The following NVL variants were observed in gnomAD, a reference collection of about 807,000 sequenced individuals.
NVL encodes the protein nuclear VCP like, also known as nuclear valosin-containing protein-like.
NVL carries 84 observed loss-of-function variants against 110.2 expected under a neutral mutation model. The ratio of observed to expected loss-of-function variants is 0.76; its 90% confidence interval spans 0.64 to 0.91. The LOEUF is 0.91. NVL is among the 40% of genes least tolerant of loss of function. The pLI is 0.00. For missense variants in NVL, 882 were observed against 1,035.9 expected, an observed-to-expected ratio of 0.85 and a Z score of 2.04; for synonymous variants, 354 against 361.1, an observed-to-expected ratio of 0.98 and a Z score of 0.22.
chr1:224,234,320 T>C lies in NVL; in HGVS notation c.2367-1031A>G, dbSNP rs555196832. Among the ~76,000 whole-genome samples the C allele has an allele frequency of 2.6e-5, 4 of 152,242 alleles. No individual in the cohort carries two copies. The South Asian group carries it at 6.2e-4, about 24-fold the overall frequency. ...AGATTATATGAGAAAGAGTTTGAGT[T>C]TGGGGATAAAAACATCACTTCTATG... On this transcript the variant is annotated intron_variant, in intron 20 of 22. Transcript: ENST00000281701.
chr1:224,273,125 G>A (rs1010103847), intron 17 of NVL, among the ~76,000 whole-genome samples: 2 of 151,250 alleles, frequency 1.3e-5, no homozygotes, highest in African/African-American at 4.9e-5. Flanking sequence ...GAAATGTATG[G>A]CAGTAGGCTG....
intron 18 of NVL, among the ~76,000 whole-genome samples, chr1:224,253,970 C>A (rs992370438): frequency 6.6e-6 from 1 of 152,090 alleles, no homozygotes; most frequent in Non-Finnish European, 1.5e-5. Flanking sequence ...CATGAGTTTG[C>A]CATTTGTACA....
In NVL at chr1:224,286,133, G is replaced by A; in HGVS notation, c.1795-3C>T. On this transcript the variant is annotated splice_polypyrimidine_tract_variant and splice_region_variant and intron_variant, in intron 14 of 22. Coordinates refer to ENST00000281701, the MANE Select transcript of NVL (RefSeq NM_002533.4). The stretch of plus-strand genomic sequence containing the variant: ...TGGTCTGGGTTGCGTACTGGTGCCT[G>A]GAAATAATGATACAAACGGCGATCC... 1.2e-6 allele frequency: 2 copies of A among 1,609,744 alleles called. No homozygotes were observed. The highest frequency in any genetic ancestry group is 1.7e-6 in the Non-Finnish European group (2 of 1,176,382).
At chr1:224,239,914 T>A (rs1202562641) in intron 19 of NVL, among the ~76,000 whole-genome samples, 1 of 152,160 alleles carries the variant, frequency 6.6e-6, no homozygotes, top group African/African-American at 2.4e-5. Flanking sequence ...GGAGGAATTT[T>A]TCTTTTTTCT....
intron 22 of NVL, among the ~76,000 whole-genome samples, chr1:224,230,814 A>T (rs183650160): frequency 6.6e-6 from 1 of 152,166 alleles, no homozygotes; most frequent in East Asian, 1.9e-4. Flanking sequence ...TAGGAAGTAG[A>T]AGTAGTATAC....
intron 18 of NVL, among the ~76,000 whole-genome samples, chr1:224,253,491 T>G (rs1662755481): frequency 6.6e-6 from 1 of 151,170 alleles, no homozygotes. Flanking sequence ...TCCCAGCACT[T>G]TGGGAGGCTG....
intron 10 of NVL, among the ~76,000 whole-genome samples, chr1:224,297,969 G>C (rs1380663878): frequency 6.7e-6 from 1 of 150,202 alleles, no homozygotes; most frequent in Non-Finnish European, 1.5e-5. Flanking sequence ...AATTATTTGA[G>C]CCTGGAAGGC....
intron 3 of NVL, 39 bp from the exon 4 acceptor site, chr1:224,317,832 G>A (rs1670242992): frequency 3.1e-5 from 48 of 1,551,876 alleles, no homozygotes; most frequent in Middle Eastern, 1.7e-4. Flanking sequence ...TAAAACAATC[G>A]TTTGTATAAC....
chr1:224,280,386 A>G (rs1301312655), intron 16 of NVL, among the ~76,000 whole-genome samples: 3 of 152,118 alleles, frequency 2.0e-5, no homozygotes, highest in Non-Finnish European at 4.4e-5. Flanking sequence ...AGGCCCTTCA[A>G]TGTCTGGCTA....
chr1:224,328,364 A>G (rs1202457052), intron 1 of NVL, among the ~76,000 whole-genome samples: 1 of 152,062 alleles, frequency 6.6e-6, no homozygotes. Flanking sequence ...TACTAAAAAT[A>G]CAAAAAGTAG....
At chr1:224,280,874 G>T (rs1224848657) in intron 16 of NVL, among the ~76,000 whole-genome samples, 1 of 152,160 alleles carries the variant, frequency 6.6e-6, no homozygotes, top group East Asian at 1.9e-4. Context: ...AACTCAGATT[G>T]AAATCTTTGC....
At chr1:224,329,957 C>A in intron 1 of NVL, 114 bp downstream of exon 1, 1 of 1,037,220 alleles carries the variant, frequency 9.6e-7, no homozygotes, top group East Asian at 2.5e-5. Context: ...CAGACCCAGA[C>A]TGGGGAAAGA....
intron 8 of NVL, 28 bp downstream of exon 8, chr1:224,304,708 T>A: frequency 6.5e-7 from 1 of 1,550,082 alleles, no homozygotes; most frequent in Non-Finnish European, 8.9e-7. Flanking sequence ...TATATCCATT[T>A]GAGGTAAAAT....
intron 8 of NVL, among the ~76,000 whole-genome samples, chr1:224,304,524 A>T (rs938312572): frequency 2.6e-5 from 4 of 152,106 alleles, no homozygotes; most frequent in Admixed American, 2.0e-4. Context: ...TGGATCTTAT[A>T]TATACTATAA....
rs750257346 is a variant in NVL, at chr1:224,288,011, AG to A, written c.1576-19del. On this transcript the variant is annotated intron_variant, in intron 13 of 22. Transcript: ENST00000281701. ...AATTCATCCTTGAAGGGAACAATAG[AG>A]GGGAAAAAAATAAAGAAACACCACA... 3.2e-6 allele frequency: 5 copies of A among 1,582,020 alleles called. No homozygotes were observed. The highest frequency in any genetic ancestry group is 4.3e-6 in the Non-Finnish European group (5 of 1,155,242).
chr1:224,296,130 C>CATCA (rs879513177), intron 11 of NVL, among the ~76,000 whole-genome samples: 5 of 152,024 alleles, frequency 3.3e-5, no homozygotes, highest in East Asian at 1.9e-4. Context: ...CACTCTATCT[C>CATCA]ATCAATCAAT....
chr1:224,271,936 C>T (rs1023187232), intron 17 of NVL, among the ~76,000 whole-genome samples: 1 of 151,804 alleles, frequency 6.6e-6, no homozygotes, highest in Non-Finnish European at 1.5e-5. Flanking sequence ...ATCGCATGAA[C>T]CCAGGAGGCA....
intron 15 of NVL, among the ~76,000 whole-genome samples, chr1:224,281,866 T>C (rs1358921044): frequency 2.0e-5 from 3 of 150,454 alleles, no homozygotes; most frequent in Admixed American, 2.0e-4. Flanking sequence ...GACAGGAGAA[T>C]TGCTCGCACC....
intron 22 of NVL, among the ~76,000 whole-genome samples, chr1:224,228,271 C>A (rs556017017): frequency 6.6e-6 from 1 of 152,220 alleles, no homozygotes; most frequent in East Asian, 1.9e-4. Context: ...CTAAACTACA[C>A]TGAATCCAGA....
Sources: gnomAD v4.1 joint callset for allele counts (sites outside exome capture counted in the v4.1 genomes callset) on GRCh38, gnomAD v4.1.1 for gene constraint, MANE v1.5 for transcripts, NCBI Gene and HGNC (gene_info 2026-07-23, HGNC 2026-07-21) for gene names.